Variants in R3HDM4 observed in about 807,000 individuals in gnomAD.
R3HDM4 encodes R3H domain containing 4, also known as R3H domain-containing protein 4.
In R3HDM4, 30 loss-of-function variants were observed where a neutral mutation model predicts 31.3. The ratio of observed to expected loss-of-function variants is 0.96; its 90% CI spans 0.72 to 1.30. The LOEUF is 1.30. Ranked by LOEUF, R3HDM4 falls within the 50% of genes most tolerant of loss-of-function variation. The pLI is 0.00. For synonymous variants in R3HDM4, 196 were observed against 156.6 expected, an observed-to-expected ratio of 1.25 and a Z score of -1.88; for missense variants, 444 against 366.1, an observed-to-expected ratio of 1.21 and a Z score of -1.74.
At position 896,800 on chromosome 19, in the gene R3HDM4, C is replaced by T. The variant is rs541026121; in HGVS notation, c.*637G>A. The T allele has an allele frequency of 1.2e-4, 19 of 152,640 alleles. No homozygotes were observed. Among genetic ancestry groups the T allele is most frequent in the African/African-American group, 4.3e-4 (18 of 41,558 alleles). The allele number at this position is 152,640 out of a possible 1,614,324, so 9.5% of individuals were successfully genotyped here. On this transcript the variant is annotated 3_prime_UTR_variant, in exon 8 of 8. Transcript: ENST00000361574. The surrounding 1 kb of genome is among the most constrained non-coding windows in gnomAD (Gnocchi z 4.0). The stretch of plus-strand genomic sequence containing the variant: ...ATATAAAGCAGGAGACCCTGAGCCC[C>T]GACACAGGTGGCGTGGGGGAGGACA...
chr19:903,365 A>G (rs2036861105), intron 1 of R3HDM4, among the ~76,000 whole-genome samples: 1 of 151,960 alleles, frequency 6.6e-6, no homozygotes, highest in Non-Finnish European at 1.5e-5. Context: ...ATTAGCTGTC[A>G]CAGCTGGGCC....
chr19:900,232 C>T lies in R3HDM4; in HGVS notation c.476-86G>A, dbSNP rs878957764. 225 of 1,066,748 alleles carry T rather than the reference C, an allele frequency of 2.1e-4. 1 individual carries two copies. Among genetic ancestry groups the T allele is most frequent in the Admixed American group, 1.3e-3 (49 of 38,094 alleles). 66.1% of individuals were successfully genotyped at this position (1,066,748 alleles called of 1,614,324 possible). On this transcript the variant is annotated intron_variant, in intron 4 of 7. Transcript: ENST00000361574. ...CCAGACCACGCCCACCCAGGGAAGACCACGCCCATCTGTGCCTTGGCCTCT... is the reference window on the plus strand; with the variant it reads ...CCAGACCACGCCCACCCAGGGAAGATCACGCCCATCTGTGCCTTGGCCTCT...
At chr19:903,540 G>A (rs73507508) in intron 1 of R3HDM4, among the ~76,000 whole-genome samples, 2,652 of 152,188 alleles carry the variant, frequency 0.017, 74 homozygotes, top group African/African-American at 0.059. Context: ...GCAGCCACCC[G>A]GCACCTGGGA....
intron 1 of R3HDM4, among the ~76,000 whole-genome samples, chr19:909,842 A>G (rs2036950086): frequency 6.6e-6 from 1 of 152,058 alleles, no homozygotes; most frequent in African/African-American, 2.4e-5. Context: ...CAGGAAGAAG[A>G]GCCCATTTTG....
Position 897,456 on chromosome 19 carries a change from T to C in R3HDM4, c.788A>G (p.Tyr263Cys). 6.2e-7 allele frequency: 1 copy of C among 1,610,676 alleles called. No individual in the cohort carries two copies. Among genetic ancestry groups the C allele is most frequent in the Non-Finnish European group, 8.5e-7 (1 of 1,178,950 alleles). ...CCGCCATCAGCTGTGCTGCTCCAGGTAGGCGGACAGGAGCAGCCCCGGCGG... is the reference window on the plus strand; with the variant it reads ...CCGCCATCAGCTGTGCTGCTCCAGGCAGGCGGACAGGAGCAGCCCCGGCGG... ...FLPPGLLLSA[Y>C]LEQHS is the part of the protein sequence containing the mutation. The change falls in exon 8 of 8, where the codon TAC (tyrosine) becomes TGC (cysteine). Residue 263 changes from tyrosine to cysteine, a missense_variant. Tyr to Cys is a radical substitution (Grantham distance 194). Coordinates refer to ENST00000361574, the MANE Select transcript of R3HDM4 (RefSeq NM_138774.4).
chr19:913,054 G>C lies in R3HDM4; in HGVS notation c.71+33C>G, dbSNP rs764082012. Reference sequence around the variant, plus strand: ...AGGGGAGGGAGCCCAGCCCGCCCCCGGCGCCCGCCGCGCCCCGCCCGCCCG... The same window carrying C: ...AGGGGAGGGAGCCCAGCCCGCCCCCCGCGCCCGCCGCGCCCCGCCCGCCCG... On this transcript the variant is annotated intron_variant, in intron 1 of 7. Coordinates refer to ENST00000361574, the MANE Select transcript of R3HDM4 (RefSeq NM_138774.4). This position sits in a 1 kb window ranked among gnomAD's most constrained non-coding sequence, Gnocchi z 5.0. 699 of 787,836 alleles carry C rather than the reference G, an allele frequency of 8.9e-4. No homozygotes were observed. Among genetic ancestry groups the C allele is most frequent in the Non-Finnish European group, 9.8e-4 (628 of 639,974 alleles). The allele number at this position is 787,836 out of a possible 1,614,324, so 48.8% of individuals were successfully genotyped here. A position where few individuals can be genotyped will look rare whatever the true frequency, so the allele number is the denominator to read the frequency against.
At position 900,794 on chromosome 19, in the gene R3HDM4, GGCCCCACCCATACCC is replaced by G; in HGVS notation, c.475+20_475+34del. ...CAGGCCACGCCCCCATCCATACCCT[GGCCCCACCCATACCC>G]GCCCCAGCCAGGCCCGCACCTCTCC... is the stretch of plus-strand genomic sequence containing the variant. On this transcript the variant is annotated intron_variant, in intron 4 of 7. Transcript: ENST00000361574. 1.2e-6 allele frequency: 1 copy of G among 851,348 alleles called. No individual in the cohort carries two copies. Among genetic ancestry groups the G allele is most frequent in the Non-Finnish European group, 1.5e-6 (1 of 654,782 alleles). 52.7% of individuals were successfully genotyped at this position (851,348 alleles called of 1,614,324 possible).
intron 1 of R3HDM4, among the ~76,000 whole-genome samples, chr19:905,052 CA>C (rs1319658605): frequency 6.6e-6 from 1 of 151,190 alleles, no homozygotes; most frequent in Non-Finnish European, 1.5e-5. Context: ...ACTAAAAATA[CA>C]AAAAATAAGC....
intron 1 of R3HDM4, chr19:902,740 C>T (rs2036853485): frequency 6.6e-6 from 1 of 152,386 alleles, no homozygotes; most frequent in Admixed American, 6.5e-5. Flanking sequence ...GGGTTGAAGA[C>T]CAGCCTGGCC....
At chr19:901,210 T>C (rs1401628202) in intron 3 of R3HDM4, 1 of 665,224 alleles carries the variant, frequency 1.5e-6, no homozygotes, top group Non-Finnish European at 2.5e-6. Context: ...CCCAAACGTG[T>C]TGGGCAGGTG....
At chr19:903,504 C>T (rs759275385) in intron 1 of R3HDM4, among the ~76,000 whole-genome samples, 35 of 143,906 alleles carry the variant, frequency 2.4e-4, no homozygotes, top group Admixed American at 6.2e-4. Context: ...AAGCGGGCGG[C>T]GTTTGGGGGG....
intron 7 of R3HDM4, among the ~76,000 whole-genome samples, chr19:898,825 G>C (rs560178792): frequency 6.6e-6 from 1 of 152,102 alleles, no homozygotes; most frequent in Non-Finnish European, 1.5e-5. Flanking sequence ...TGGGGGCTGC[G>C]TCTCCCACAG....
At chr19:903,866 C>T (rs1019018755) in intron 1 of R3HDM4, among the ~76,000 whole-genome samples, 13 of 152,188 alleles carry the variant, frequency 8.5e-5, no homozygotes, top group Admixed American at 2.6e-4. Context: ...CCGGCTAACA[C>T]GGTGAAACCC....
intron 1 of R3HDM4, among the ~76,000 whole-genome samples, chr19:903,295 C>T (rs973348197): frequency 6.6e-5 from 10 of 151,774 alleles, no homozygotes; most frequent in South Asian, 2.1e-4. Flanking sequence ...GCGGCTGCAG[C>T]GGCCCCCCTC....
intron 1 of R3HDM4, 121 bp downstream of exon 1, chr19:912,966 G>A (rs118150764): frequency 0.042 from 11,634 of 277,380 alleles, 315 homozygotes; most frequent in South Asian, 0.054. Context: ...CGGGAGCGAG[G>A]GGAACGAAGG....
chr19:904,861 GC>G (rs1234367879), intron 1 of R3HDM4, among the ~76,000 whole-genome samples: 1 of 152,150 alleles, frequency 6.6e-6, no homozygotes, highest in Non-Finnish European at 1.5e-5. Context: ...GAGTCCTCAA[GC>G]CTTAAGTCTG....
chr19:908,928 C>T (rs567272232), intron 1 of R3HDM4, among the ~76,000 whole-genome samples: 7 of 152,362 alleles, frequency 4.6e-5, no homozygotes, highest in Admixed American at 2.6e-4. Context: ...GGCCTGTGAC[C>T]GGCCCACAGC....
At chr19:898,214 T>G (rs1398314795) in intron 7 of R3HDM4, among the ~76,000 whole-genome samples, 1 of 102,518 alleles carries the variant, frequency 9.8e-6, no homozygotes, top group Non-Finnish European at 2.0e-5. Context: ...AAACCCTGTC[T>G]CTACTAAAAA....
chr19:910,073 C>A (rs1228516529), intron 1 of R3HDM4, among the ~76,000 whole-genome samples: 1 of 152,124 alleles, frequency 6.6e-6, no homozygotes, highest in African/African-American at 2.4e-5. Context: ...TGCCTGTAAT[C>A]CCAGCACTTT....
Sources: gnomAD v4.1 joint callset for allele counts (sites outside exome capture counted in the v4.1 genomes callset) on GRCh38, gnomAD v4.1.1 for gene constraint, Gnocchi (gnomAD v3.1) non-coding constraint, MANE v1.5 for transcripts, NCBI Gene and HGNC (gene_info 2026-07-23, HGNC 2026-07-21) for gene names.